The following NCOA6 variants were observed in gnomAD, a reference collection of about 807,000 sequenced individuals.
NCOA6 encodes the protein nuclear receptor coactivator 6, also known as NRC RAP250.
Under a neutral mutation model 171.4 loss-of-function variants are expected in NCOA6, and 49 were observed. That is an observed-to-expected ratio of 0.29 (90% CI 0.23 to 0.36). The LOEUF (loss-of-function observed/expected upper bound fraction) is 0.36. NCOA6 is among the 10% of genes least tolerant of loss of function. The pLI is 1.00. For synonymous variants in NCOA6, 910 were observed against 927.5 expected, an observed-to-expected ratio of 0.98 and a Z score of 0.34; for missense variants, 2,248 against 2,554.5, an observed-to-expected ratio of 0.88 and a Z score of 2.59.
intron 1 of NCOA6, among the ~76,000 whole-genome samples, chr20:34,817,012 A>C (rs1035884767): frequency 6.6e-6 from 1 of 150,802 alleles, no homozygotes; most frequent in Non-Finnish European, 1.5e-5. Flanking sequence ...AGTCCCAGCT[A>C]CTCAGGAGGT....
At chr20:34,762,287 TTCTA>T (rs1282871625) in intron 5 of NCOA6, among the ~76,000 whole-genome samples, 2 of 152,170 alleles carry the variant, frequency 1.3e-5, no homozygotes, top group Non-Finnish European at 2.9e-5. Flanking sequence ...TTGTTAATCT[TTCTA>T]TCTTTCTAAC....
chr20:34,824,709 T>G (rs1043148770), intron 1 of NCOA6, among the ~76,000 whole-genome samples: 3 of 152,148 alleles, frequency 2.0e-5, no homozygotes, highest in African/African-American at 7.2e-5. Context: ...CCCCCTTTTC[T>G]CTCATCAAAC....
In NCOA6 at chr20:34,743,243, G is replaced by T; in HGVS notation, c.3013C>A (p.Pro1005Thr). The T allele has an allele frequency of 6.2e-7, 1 of 1,614,032 alleles. No homozygotes were observed. Among genetic ancestry groups the T allele is most frequent in the Non-Finnish European group, 8.5e-7 (1 of 1,179,978 alleles). Residue 1005 changes from proline (P) to threonine (T), a missense_variant, in exon 11 of 15, where the codon CCA becomes ACA. Physicochemically the swap from Pro to Thr is conservative, Grantham distance 38. Transcript: ENST00000359003. ...APPPQPPQQQ[P>T]QPQLPQQQQP... Reference sequence around the variant, plus strand: ...TGCTGCTGAGGCAGTTGTGGCTGTGGCTGCTGCTGTGGTGGCTGTGGTGGG... The same window carrying T: ...TGCTGCTGAGGCAGTTGTGGCTGTGTCTGCTGCTGTGGTGGCTGTGGTGGG...
In NCOA6 at chr20:34,736,755, G is replaced by A. The variant is rs753335835; in HGVS notation, c.5897C>T (p.Pro1966Leu). 8 of 1,608,918 alleles carry A rather than the reference G, an allele frequency of 5.0e-6. No homozygotes were observed. The highest frequency in any genetic ancestry group is 4.4e-5 in the South Asian group (4 of 90,238). Residue 1966 changes from proline (P) to leucine (L), a missense_variant, in exon 12 of 15, where the codon CCG becomes CTG. By Grantham distance (98) the Pro-to-Leu change is moderately conservative. This residue lies in a region of NCOA6 where 884 missense variants were observed against 941.9 expected (regional missense o/e 0.94). Transcript: ENST00000359003. ...TTCCTTTGAGACTAAATTCTGCGAC[G>A]GGGCTAAGGCAAGGAAAAAAAAATT... ...SHPELLPSIA[P>L]SQNLVSKETS...
At chr20:34,748,712 A>C (rs1412740631) in intron 9 of NCOA6, among the ~76,000 whole-genome samples, 1 of 152,198 alleles carries the variant, frequency 6.6e-6, no homozygotes, top group African/African-American at 2.4e-5. Context: ...GAGAACGTTT[A>C]CTGAAAGGGT....
At chr20:34,758,208 C>T in intron 6 of NCOA6, 104 bp from the exon 7 acceptor site, 2 of 1,411,558 alleles carry the variant, frequency 1.4e-6, no homozygotes, top group Non-Finnish European at 9.5e-7. Context: ...TCTGCTGGTA[C>T]TATTCGATAA....
chr20:34,775,033 G>T (rs1401909080), intron 4 of NCOA6, among the ~76,000 whole-genome samples: 1 of 152,162 alleles, frequency 6.6e-6, no homozygotes, highest in African/African-American at 2.4e-5. Flanking sequence ...GGCTGAGCAG[G>T]CATGAACTAG....
At chr20:34,800,963 C>T (rs1176317481) in intron 1 of NCOA6, among the ~76,000 whole-genome samples, 1 of 152,132 alleles carries the variant, frequency 6.6e-6, no homozygotes, top group Non-Finnish European at 1.5e-5. Context: ...ATATGTTAGG[C>T]TACAAAACAA....
chr20:34,740,944 G>A lies in NCOA6; in HGVS notation c.5312C>T (p.Ala1771Val), dbSNP rs766932423. 3 of 1,614,218 alleles carry A rather than the reference G, an allele frequency of 1.9e-6. No homozygotes were observed. The highest frequency in any genetic ancestry group is 2.5e-6 in the Non-Finnish European group (3 of 1,180,040). Residue 1771 changes from alanine (A) to valine (V), a missense_variant, in exon 11 of 15, where the codon GCT (alanine) becomes GTT (valine). This residue lies in a region of NCOA6 where 884 missense variants were observed against 941.9 expected (regional missense o/e 0.94). Transcript: ENST00000359003. Reference protein sequence around the residue: ...QQVKELNPDEASPQVNTSADQ... With the variant: ...QQVKELNPDEVSPQVNTSADQ... ...TGCTGAGGTGTTCACCTGAGGGCTA[G>A]CCTCATCTGGATTCAATTCTTTCAC...
Position 34,757,902 on chromosome 20 carries a change from CTGCTGT to C in NCOA6, c.840_845del (p.Gln284_Gln285del), listed in dbSNP as rs746034098. 6.2e-7 allele frequency: 1 copy of C among 1,613,966 alleles called. No individual in the cohort carries two copies. Among genetic ancestry groups the C allele is most frequent in the Non-Finnish European group, 8.5e-7 (1 of 1,179,990 alleles). On this transcript the variant is annotated inframe_deletion, in exon 7 of 15. Coordinates refer to ENST00000359003, the MANE Select transcript of NCOA6 (RefSeq NM_014071.5). Reference sequence around the variant, plus strand: ...GGGGTCTTGCCTGCAACTGTTGTTGCTGCTGTTGCTGTTGTTGCTGCTGCTGCTGCT... The same window carrying C: ...GGGGTCTTGCCTGCAACTGTTGTTGCTGCTGTTGTTGCTGCTGCTGCTGCT...
chr20:34,780,509 G>A (rs531188855), intron 3 of NCOA6, among the ~76,000 whole-genome samples: 7 of 151,906 alleles, frequency 4.6e-5, no homozygotes, highest in South Asian at 4.2e-4. Flanking sequence ...CTGCCAGCAC[G>A]CCTGACTAAT....
At chr20:34,775,581 A>G (rs2077287675) in intron 4 of NCOA6, among the ~76,000 whole-genome samples, 2 of 147,216 alleles carry the variant, frequency 1.4e-5, no homozygotes, top group Non-Finnish European at 3.0e-5. Flanking sequence ...GCTACTCAGG[A>G]GGCTGAGGCA....
At chr20:34,815,362 G>C (rs1024377227) in intron 1 of NCOA6, among the ~76,000 whole-genome samples, 1 of 151,936 alleles carries the variant, frequency 6.6e-6, no homozygotes, top group Non-Finnish European at 1.5e-5. Context: ...GGGTGACAAA[G>C]CGAGACTCTA....
At position 34,749,630 on chromosome 20, in the gene NCOA6, T is replaced by C; in HGVS notation, c.2565A>G (p.Ala855=). Reference sequence around the variant, plus strand: ...TTCCATTGGGAGCTCCACTGAAAGGTGCATTGAAAGACATCCCATGGCCTG... The same window carrying C: ...TTCCATTGGGAGCTCCACTGAAAGGCGCATTGAAAGACATCCCATGGCCTG... ...HFSGHGMSFN[A]PFSGAPNGNQ... The change falls in exon 9 of 15, where the codon GCA becomes GCG. Residue 855 remains alanine (A), a synonymous_variant. Coordinates refer to ENST00000359003, the MANE Select transcript of NCOA6 (RefSeq NM_014071.5). The C allele has an allele frequency of 6.2e-7, 1 of 1,614,206 alleles. No homozygotes were observed. Among genetic ancestry groups the C allele is most frequent in the Non-Finnish European group, 8.5e-7 (1 of 1,180,032 alleles).
intron 4 of NCOA6, among the ~76,000 whole-genome samples, chr20:34,769,615 C>T (rs1352022416): frequency 1.3e-5 from 2 of 152,106 alleles, no homozygotes; most frequent in Admixed American, 1.3e-4. Context: ...CCACCCACCT[C>T]GGCCTCCCAA....
intron 4 of NCOA6, among the ~76,000 whole-genome samples, chr20:34,772,606 G>A (rs1478743287): frequency 6.6e-6 from 1 of 152,146 alleles, no homozygotes; most frequent in African/African-American, 2.4e-5. Flanking sequence ...ATAACTGGTG[G>A]AGGCAAAATG....
chr20:34,805,176 T>C (rs570877008), intron 1 of NCOA6, among the ~76,000 whole-genome samples: 5 of 151,986 alleles, frequency 3.3e-5, no homozygotes, highest in Non-Finnish European at 7.4e-5. Flanking sequence ...GCAGCTGGAT[T>C]TTCAGGCGCG....
chr20:34,786,814 C>A (rs556069718), intron 2 of NCOA6, among the ~76,000 whole-genome samples: 4 of 152,040 alleles, frequency 2.6e-5, no homozygotes, highest in African/African-American at 9.7e-5. Flanking sequence ...GCCATCCTTA[C>A]AAAAATTAAC....
At chr20:34,824,934 A>G (rs2079106408) in intron 1 of NCOA6, among the ~76,000 whole-genome samples, 1 of 151,988 alleles carries the variant, frequency 6.6e-6, no homozygotes, top group Non-Finnish European at 1.5e-5. Flanking sequence ...TGACAGCCTG[A>G]GCTTGGCCCC....
Sources: allele counts gnomAD v4.1 joint callset (sites outside exome capture counted in the v4.1 genomes callset), GRCh38; gene constraint gnomAD v4.1.1; regional missense constraint gnomAD v4.1.1; transcripts MANE v1.5; gene names NCBI Gene and HGNC (gene_info 2026-07-23, HGNC 2026-07-21).